The following CDKL1 variants were observed in gnomAD, a reference collection of about 807,000 sequenced individuals.
CDKL1 encodes the protein cyclin-dependent kinase-like 1.
A neutral mutation model predicts 42.0 loss-of-function variants in CDKL1; 41 were observed. The observed-to-expected ratio is 0.98, with a 90% CI of 0.76 to 1.27. CDKL1 has a LOEUF of 1.27. Ranked by LOEUF, CDKL1 falls within the 50% of genes most tolerant of loss-of-function variation. The probability of loss-of-function intolerance (pLI) is 0.00; values close to 1 mark genes in which losing one functional copy is unlikely to be tolerated. For synonymous variants in CDKL1, 153 were observed against 158.6 expected, an observed-to-expected ratio of 0.96 and a Z score of 0.26; for missense variants, 394 against 428.4, an observed-to-expected ratio of 0.92 and a Z score of 0.71.
At chr14:50,341,258 C>G (rs943439788) in intron 5 of CDKL1, 26 bp from the exon 6 acceptor site, 5 of 1,562,906 alleles carry the variant, frequency 3.2e-6, no homozygotes, top group Non-Finnish European at 4.4e-6. Flanking sequence ...ACATGGAAAA[C>G]AAACAGCAGC....
intron 2 of CDKL1, among the ~76,000 whole-genome samples, chr14:50,383,970 A>G (rs1336042605): frequency 2.6e-5 from 4 of 152,228 alleles, no homozygotes; most frequent in African/African-American, 9.6e-5. Flanking sequence ...TCAACCAAAA[A>G]TCTTCTAATA....
rs139296209 is a variant in CDKL1 at position 50,371,660 on chromosome 14, G to A, written c.169-12511C>T. 2.1e-3 allele frequency among the ~76,000 whole-genome samples: 326 copies of A among 152,334 alleles called. 1 individual carries two copies. In the Middle Eastern group the frequency reaches 0.044, roughly 21 times the overall value. On this transcript the variant is annotated intron_variant, in intron 2 of 9. Coordinates refer to ENST00000395834, the MANE Select transcript of CDKL1 (RefSeq NM_004196.7). ...GTGGGGGAGGCGCAGCCATGGCTGT[G>A]TGCTCCCTGGAGCTGGCAGGAGCTG... is the stretch of plus-strand genomic sequence containing the variant.
chr14:50,345,750 C>T (rs2033703530), intron 3 of CDKL1, among the ~76,000 whole-genome samples: 1 of 152,090 alleles, frequency 6.6e-6, no homozygotes, highest in South Asian at 2.1e-4. Flanking sequence ...CCCTATGCTG[C>T]CATGGCAGCC....
intron 2 of CDKL1, among the ~76,000 whole-genome samples, chr14:50,365,290 G>A (rs538378137): frequency 7.1e-4 from 108 of 152,174 alleles, no homozygotes; most frequent in African/African-American, 2.3e-3. Context: ...TTCCTTTGAG[G>A]GCTTACAGTG....
intron 2 of CDKL1, among the ~76,000 whole-genome samples, chr14:50,381,622 A>G (rs1288796190): frequency 6.6e-6 from 1 of 152,246 alleles, no homozygotes; most frequent in African/African-American, 2.4e-5. Context: ...GAATAGTACA[A>G]TTGTGACAAA....
rs570512352 is a variant in CDKL1 at position 50,332,348 on chromosome 14, C to T, written c.880G>A (p.Glu294Lys). The T allele has an allele frequency of 6.2e-7, 1 of 1,614,170 alleles. No individual in the cohort carries two copies. Among genetic ancestry groups the T allele is most frequent in the South Asian group, 1.1e-5 (1 of 91,084 alleles). The change falls in exon 9 of 10, where the codon GAG becomes AAG. Residue 294 changes from glutamate (E) to lysine (K), a missense_variant. Physicochemically the swap from Glu to Lys is moderately conservative, Grantham distance 56 (BLOSUM62 1). Transcript: ENST00000395834. The stretch of plus-strand genomic sequence containing the variant: ...TTGTTGTGTTCTTTTGCCAAATCCT[C>T]TATTTCTCTGATGTTTTCAAAATAT... ...HPYFENIREI[E>K]DLAKEHNKPT...
chr14:50,363,310 C>T (rs928423581), intron 2 of CDKL1: 1 of 171,594 alleles, frequency 5.8e-6, no homozygotes, highest in African/African-American at 2.4e-5. Context: ...TGAGGGCACT[C>T]CAAGCTATAA....
At chr14:50,386,237 GC>G (rs2035077541) in intron 2 of CDKL1, among the ~76,000 whole-genome samples, 2 of 152,054 alleles carry the variant, frequency 1.3e-5, no homozygotes, top group Non-Finnish European at 1.5e-5. Context: ...TTTGAGACCA[GC>G]CCGGGCAACA....
intron 2 of CDKL1, among the ~76,000 whole-genome samples, chr14:50,387,469 G>GC (rs1356218850): frequency 1.3e-5 from 2 of 151,864 alleles, no homozygotes; most frequent in East Asian, 3.9e-4. Flanking sequence ...GTTGCAGTGA[G>GC]CCCAGATCAT....
At chr14:50,394,707 T>C (rs192609658) in intron 2 of CDKL1, among the ~76,000 whole-genome samples, 23 of 152,356 alleles carry the variant, frequency 1.5e-4, no homozygotes, top group African/African-American at 5.3e-4. Context: ...CCTTTCACAT[T>C]GCGATTTGGA....
intron 2 of CDKL1, among the ~76,000 whole-genome samples, chr14:50,393,120 C>A (rs574451239): frequency 7.7e-4 from 117 of 152,274 alleles, no homozygotes; most frequent in African/African-American, 2.6e-3. Context: ...AGAGTGTCTG[C>A]CTGAAATGCC....
Position 50,359,114 on chromosome 14 carries a change from T to TTC in CDKL1, c.202_203dup (p.Val69LysfsTer36), listed in dbSNP as rs1347496754. 1 of 1,612,284 alleles carries TTC rather than the reference T, an allele frequency of 6.2e-7. No homozygotes were observed. Among genetic ancestry groups the TTC allele is most frequent in the Non-Finnish European group, 8.5e-7 (1 of 1,178,622 alleles). On this transcript the variant is annotated frameshift_variant, in exon 3 of 10. Transcript: ENST00000395834. LOFTEE classifies it high-confidence loss of function. ...GAAGCCTCCGTTTCCTCCTGAAGAC[T>TTC]TCCAGGAGGTTAACAAGGTTGGGAT...
intron 2 of CDKL1, among the ~76,000 whole-genome samples, chr14:50,393,866 A>G (rs1210681479): frequency 1.3e-5 from 2 of 152,200 alleles, no homozygotes; most frequent in Admixed American, 1.3e-4. Flanking sequence ...ATAAGAGAAC[A>G]CATTTGACTT....
intron 2 of CDKL1, among the ~76,000 whole-genome samples, chr14:50,386,114 AAG>A (rs1010462780): frequency 4.0e-5 from 6 of 151,078 alleles, no homozygotes; most frequent in Admixed American, 6.6e-5. Context: ...GGGGGAAAGA[AAG>A]AGAGAGAGAG....
At chr14:50,390,143 T>G in intron 2 of CDKL1, 4 of 1,365,980 alleles carry the variant, frequency 2.9e-6, no homozygotes, top group Non-Finnish European at 3.9e-6. Flanking sequence ...CACATAGCAG[T>G]AGATGATTCC....
chr14:50,368,932 T>A (rs1292633943), intron 2 of CDKL1, among the ~76,000 whole-genome samples: 1 of 147,074 alleles, frequency 6.8e-6, no homozygotes, highest in Non-Finnish European at 1.5e-5. Context: ...AGTGGCACAA[T>A]CTCGGCTCAC....
chr14:50,335,928 A>G (rs951293080), intron 7 of CDKL1: 2 of 1,300,688 alleles, frequency 1.5e-6, no homozygotes, highest in Non-Finnish European at 2.0e-6. Flanking sequence ...GGAGAAAAAA[A>G]AAATCCTAAA....
At chr14:50,342,355 G>C (rs2033575003) in intron 4 of CDKL1, 133 bp from the exon 5 acceptor site, 1 of 1,457,446 alleles carries the variant, frequency 6.9e-7, no homozygotes, top group Non-Finnish European at 9.1e-7. Context: ...AACAGCAAAA[G>C]AGCAGCCTAA....
intron 2 of CDKL1, among the ~76,000 whole-genome samples, chr14:50,391,558 T>C (rs1310702554): frequency 6.6e-6 from 1 of 152,160 alleles, no homozygotes; most frequent in Non-Finnish European, 1.5e-5. Flanking sequence ...AGTTTTTGTA[T>C]TTTTAATACA....
Sources: allele counts gnomAD v4.1 joint callset (sites outside exome capture counted in the v4.1 genomes callset), GRCh38; gene constraint gnomAD v4.1.1; transcripts MANE v1.5; gene names NCBI Gene and HGNC (gene_info 2026-07-23, HGNC 2026-07-21).